USP45: variants seen among roughly 807,000 people sequenced by gnomAD.
The protein encoded by USP45 is ubiquitin specific peptidase 45.
USP45 carries 89 observed loss-of-function variants against 95.8 expected under a neutral mutation model. The observed-to-expected ratio is 0.93, with a 90% CI of 0.78 to 1.11. The LOEUF is 1.11. USP45 is among the 50% of genes least tolerant of loss of function. The pLI is 0.00. For synonymous variants in USP45, 281 were observed against 316.2 expected (o/e 0.89, Z 1.18); for missense variants, 898 against 942.5 (o/e 0.95, Z 0.62).
chr6:99,497,802 C>T (rs191570061), intron 5 of USP45, among the ~76,000 whole-genome samples: 1 of 152,272 alleles, frequency 6.6e-6, no homozygotes, highest in African/African-American at 2.4e-5. Flanking sequence ...TCACCTCTCA[C>T]CATCTTCTAC....
Position 99,488,699 on chromosome 6 carries a change from A to G in USP45, c.600T>C (p.Phe200=), listed in dbSNP as rs761087320. The part of the protein sequence containing the change: ...RGITNLGNTC[F]FNAVMQNLAQ... ...CTCTTACCTGCATGACTGCATTAAA[A>G]AAGCAAGTATTTCCTAAATTTGTAA... Residue 200 remains phenylalanine (F), a synonymous_variant, in exon 6 of 18, where the codon TTT becomes TTC. Coordinates refer to ENST00000500704, the MANE Select transcript of USP45 (RefSeq NM_001346022.3). 6.2e-7 allele frequency: 1 copy of G among 1,600,650 alleles called. No homozygotes were observed.
At chr6:99,444,315 C>T (rs183447540) in intron 14 of USP45, among the ~76,000 whole-genome samples, 37 of 152,244 alleles carry the variant, frequency 2.4e-4, no homozygotes, top group Admixed American at 5.2e-4. Flanking sequence ...GTGCCCAGCC[C>T]CAATTTCTAA....
chr6:99,516,390 G>T (rs186871193), upstream of USP45, among the ~76,000 whole-genome samples: 1 of 152,292 alleles, frequency 6.6e-6, no homozygotes, highest in African/African-American at 2.4e-5. Context: ...TTCAGCCAAG[G>T]GACAAATGTG....
chr6:99,445,686 C>CT (rs1334296296), intron 14 of USP45, 111 bp downstream of exon 14: 2 of 804,104 alleles, frequency 2.5e-6, no homozygotes, highest in Admixed American at 6.4e-5. Flanking sequence ...CAATCTCTGC[C>CT]TAAGTAACAC....
intron 13 of USP45, among the ~76,000 whole-genome samples, chr6:99,454,823 T>C (rs1229810232): frequency 6.6e-6 from 1 of 152,120 alleles, no homozygotes; most frequent in Non-Finnish European, 1.5e-5. Flanking sequence ...GTGCAGTGGC[T>C]TATGCCTGTA....
At chr6:99,466,616 TA>T in intron 11 of USP45, 55 bp downstream of exon 11, 2 of 1,387,244 alleles carry the variant, frequency 1.4e-6, no homozygotes, top group Admixed American at 1.9e-5. Context: ...GAAAATATAA[TA>T]AAAATGATGT....
rs1044728696 is a variant in USP45 at position 99,443,613 on chromosome 6, A to G, written c.2025T>C (p.Ile675=). Residue 675 remains isoleucine (I), a synonymous_variant, in exon 15 of 18, where the codon ATT becomes ATC. Transcript: ENST00000500704. ...GAATTAGGACAGCTGGAACAGCAGA[A>G]ATGAGCAATTGCTTCCTGGCATTAG... is the stretch of plus-strand genomic sequence containing the variant. ...VYTNARKQLL[I]SAVPAVLILH... is the part of the protein sequence containing the mutation. The G allele has an allele frequency of 6.2e-7, 1 of 1,609,388 alleles. No homozygotes were observed. Among genetic ancestry groups the G allele is most frequent in the Non-Finnish European group, 8.5e-7 (1 of 1,177,384 alleles).
intron 14 of USP45, among the ~76,000 whole-genome samples, chr6:99,444,165 C>G (rs1228357143): frequency 1.3e-5 from 2 of 152,090 alleles, no homozygotes; most frequent in Non-Finnish European, 2.9e-5. Context: ...GTGCATGCCA[C>G]CCCACCTGGC....
At chr6:99,445,079 CA>C (rs1177368074) in intron 14 of USP45, among the ~76,000 whole-genome samples, 1 of 152,204 alleles carries the variant, frequency 6.6e-6, no homozygotes, top group Non-Finnish European at 1.5e-5. Context: ...AGCTTTATGA[CA>C]TGCTACTATT....
intron 5 of USP45, among the ~76,000 whole-genome samples, chr6:99,502,389 A>T (rs1389271456): frequency 1.3e-5 from 2 of 152,200 alleles, no homozygotes; most frequent in Non-Finnish European, 2.9e-5. Context: ...CTAGCAAATT[A>T]TCACTGAACC....
At chr6:99,441,652 CT>C (rs1781550883) in intron 15 of USP45, among the ~76,000 whole-genome samples, 1 of 152,152 alleles carries the variant, frequency 6.6e-6, no homozygotes, top group African/African-American at 2.4e-5. Flanking sequence ...TCAGTTCATC[CT>C]TATCAACACT....
chr6:99,453,426 GA>G (rs1213262714), intron 13 of USP45, among the ~76,000 whole-genome samples: 5 of 150,304 alleles, frequency 3.3e-5, no homozygotes, highest in African/African-American at 7.3e-5. Context: ...GGCTACAAAA[GA>G]AAAAAAAATT....
At chr6:99,503,973 G>A in intron 4 of USP45, 108 bp from the exon 5 acceptor site, 1 of 731,866 alleles carries the variant, frequency 1.4e-6, no homozygotes, top group Non-Finnish European at 2.1e-6. Context: ...AATTACATGG[G>A]AGGGAATACA....
intron 9 of USP45, among the ~76,000 whole-genome samples, chr6:99,470,160 T>C (rs1789045307): frequency 6.6e-6 from 1 of 152,108 alleles, no homozygotes; most frequent in Admixed American, 6.6e-5. Context: ...GACTTATGAA[T>C]CAGAAATATT....
Position 99,434,640 on chromosome 6 carries a change from C to T in USP45, c.*1076G>A, listed in dbSNP as rs1033834085. 11 of 152,112 alleles carry T rather than the reference C, an allele frequency of 7.2e-5. No homozygotes were observed. Among genetic ancestry groups the T allele is most frequent in the African/African-American group, 1.9e-4 (8 of 41,418 alleles). The allele number at this position is 152,112 out of a possible 1,614,324, so 9.4% of individuals were successfully genotyped here. A position where few individuals can be genotyped will look rare whatever the true frequency, so the allele number is the denominator to read the frequency against. On this transcript the variant is annotated 3_prime_UTR_variant, in exon 18 of 18. Transcript: ENST00000500704. ...ATGCCCCATTAAAAGCTAAATTCAC[C>T]TGAACTTATTAATGATGCTTGCTGA... is the stretch of plus-strand genomic sequence containing the variant.
intron 13 of USP45, among the ~76,000 whole-genome samples, chr6:99,449,697 C>T (rs1168942880): frequency 1.3e-5 from 2 of 152,220 alleles, no homozygotes; most frequent in Non-Finnish European, 2.9e-5. Context: ...TAGACATGAA[C>T]AGAACTCTCC....
chr6:99,467,390 T>C (rs1170617481), intron 10 of USP45, among the ~76,000 whole-genome samples: 1 of 152,004 alleles, frequency 6.6e-6, no homozygotes, highest in East Asian at 1.9e-4. Flanking sequence ...TCTACTTTAA[T>C]AAAAATTTGA....
intron 13 of USP45, among the ~76,000 whole-genome samples, chr6:99,464,167 G>A (rs1220105764): frequency 2.6e-5 from 4 of 151,934 alleles, no homozygotes; most frequent in Admixed American, 6.6e-5. Flanking sequence ...TTAGCCAGGC[G>A]TGGTGGCACA....
chr6:99,467,113 A>G (rs1177801595), intron 10 of USP45, among the ~76,000 whole-genome samples: 1 of 152,220 alleles, frequency 6.6e-6, no homozygotes, highest in Non-Finnish European at 1.5e-5. Context: ...TTATGCTATC[A>G]GGACTACGGA....
Sources: allele counts gnomAD v4.1 joint callset (sites outside exome capture counted in the v4.1 genomes callset), GRCh38; gene constraint gnomAD v4.1.1; transcripts MANE v1.5; gene names NCBI Gene and HGNC (gene_info 2026-07-23, HGNC 2026-07-21).